Variants in SUDS3 observed in about 807,000 individuals in gnomAD.
SUDS3 encodes the protein sin3 histone deacetylase corepressor complex component SDS3.
Under a neutral mutation model 53.5 loss-of-function variants are expected in SUDS3, and 23 were observed. The ratio of observed to expected loss-of-function variants is 0.43; its 90% CI spans 0.31 to 0.61. SUDS3 has a LOEUF of 0.61. Ranked by LOEUF, SUDS3 falls within the 20% of genes least tolerant of loss-of-function variation. The pLI is 0.10. For missense variants in SUDS3, 291 were observed against 405.9 expected, an observed-to-expected ratio of 0.72 and a Z score of 2.43; for synonymous variants, 150 against 148.5, an observed-to-expected ratio of 1.01 and a Z score of -0.08.
Position 118,409,347 on chromosome 12 carries a change from A to G in SUDS3, c.804-1726A>G, listed in dbSNP as rs370999316. Among the ~76,000 whole-genome samples the G allele has an allele frequency of 9.2e-5, 14 of 152,106 alleles. No individual in the cohort carries two copies. In the South Asian group the frequency reaches 2.3e-3, roughly 25 times the overall value. On this transcript the variant is annotated intron_variant, in intron 10 of 11. Transcript: ENST00000543473. ...TTTTTAGTAGAGATGGGGTTTCACC[A>G]TGTTGGCCAGGCTGGTCTCGATCTC... is the stretch of plus-strand genomic sequence containing the variant.
intron 6 of SUDS3, 118 bp from the exon 7 acceptor site, chr12:118,400,541 A>T: frequency 1.1e-6 from 1 of 893,014 alleles, no homozygotes; most frequent in South Asian, 1.4e-5. Context: ...TAGAACAAAC[A>T]CCCCCAGTAA....
chr12:118,376,940 G>C (rs974809740), intron 1 of SUDS3, 107 bp downstream of exon 1: 3 of 1,305,220 alleles, frequency 2.3e-6, no homozygotes, highest in Non-Finnish European at 3.0e-6. Context: ...GCCTGGGGCT[G>C]CGTGGAGGGG....
At chr12:118,399,266 C>T (rs2046242991) in intron 6 of SUDS3, among the ~76,000 whole-genome samples, 2 of 152,072 alleles carry the variant, frequency 1.3e-5, no homozygotes, top group African/African-American at 4.8e-5. Context: ...CTTTGAGAGG[C>T]TGAGGAGGGC....
rs1014252595 is a variant in SUDS3, at chr12:118,383,865, G to A, written c.213-147G>A. The A allele has an allele frequency of 1.1e-5, 7 of 647,580 alleles. No homozygotes were observed. In the Admixed American group the frequency reaches 1.5e-4, roughly 14 times the overall value. 40.1% of individuals were successfully genotyped at this position (647,580 alleles called of 1,614,324 possible). ...CCCTGTGGCTGCTGGTGCATTTTAA[G>A]CCAGCAAGCAGACTTTACTTTCCTC... On this transcript the variant is annotated intron_variant, in intron 2 of 11. Transcript: ENST00000543473.
At chr12:118,385,111 T>G (rs1286142858) in intron 3 of SUDS3, among the ~76,000 whole-genome samples, 9 of 151,102 alleles carry the variant, frequency 6.0e-5, no homozygotes, top group Non-Finnish European at 1.2e-4. Flanking sequence ...TTTTTGCTTT[T>G]CTTTTTTTTT....
intron 11 of SUDS3, among the ~76,000 whole-genome samples, chr12:118,412,076 C>T (rs1186794094): frequency 6.6e-6 from 1 of 152,086 alleles, no homozygotes; most frequent in African/African-American, 2.4e-5. Flanking sequence ...AGGGTTATGC[C>T]CTTGGTTTTT....
At chr12:118,385,401 G>T (rs1191585073) in intron 3 of SUDS3, among the ~76,000 whole-genome samples, 1 of 152,186 alleles carries the variant, frequency 6.6e-6, no homozygotes, top group East Asian at 1.9e-4. Context: ...GAGCCACCAT[G>T]CCCAGCCTGA....
chr12:118,380,103 G>A (rs2046042370), intron 1 of SUDS3, 59 bp from the exon 2 acceptor site: 16 of 1,394,610 alleles, frequency 1.1e-5, no homozygotes, highest in Non-Finnish European at 1.5e-5. Context: ...TCTGTGTCAG[G>A]TGACGCCAAC....
chr12:118,417,123 C>T lies in SUDS3; in HGVS notation c.*2690C>T, dbSNP rs2046407636. The T allele has an allele frequency of 6.6e-6, 1 of 152,088 alleles. No individual in the cohort carries two copies. Among genetic ancestry groups the T allele is most frequent in the Admixed American group, 6.6e-5 (1 of 15,254 alleles). The allele number at this position is 152,088 out of a possible 1,614,324, so 9.4% of individuals were successfully genotyped here. ...GAACCACGTCCTTTTGAATAATTTC[C>T]AGATGGATTTCTGTAGCCATACCAA... On this transcript the variant is annotated 3_prime_UTR_variant, in exon 12 of 12. Transcript: ENST00000543473.
intron 6 of SUDS3, 140 bp from the exon 7 acceptor site, chr12:118,400,519 T>G: frequency 1.4e-6 from 1 of 736,316 alleles, no homozygotes; most frequent in East Asian, 2.7e-5. Context: ...GGTGTCTGGC[T>G]ACGACCATGT....
At chr12:118,390,803 T>A (rs1376745615) in intron 5 of SUDS3, among the ~76,000 whole-genome samples, 1 of 152,238 alleles carries the variant, frequency 6.6e-6, no homozygotes, top group African/African-American at 2.4e-5. Flanking sequence ...ACAATTTATC[T>A]AGAATCTATT....
intron 3 of SUDS3, among the ~76,000 whole-genome samples, chr12:118,385,063 C>T (rs905911284): frequency 7.9e-5 from 12 of 151,670 alleles, no homozygotes; most frequent in East Asian, 1.9e-4. Flanking sequence ...GTGAGCTCTT[C>T]GGTTTCATAT....
At chr12:118,395,462 G>A (rs758408564) in intron 6 of SUDS3, among the ~76,000 whole-genome samples, 15 of 151,496 alleles carry the variant, frequency 9.9e-5, no homozygotes, top group Admixed American at 2.6e-4. Flanking sequence ...TCCTGACCTC[G>A]TGATCTGCCC....
rs138850888 is a variant in SUDS3, at chr12:118,388,199, G to A, written c.341-1728G>A. Among the ~76,000 whole-genome samples the A allele has an allele frequency of 7.9e-4, 121 of 152,260 alleles. 2 individuals are homozygous for A. Among genetic ancestry groups the A allele is most frequent in the African/African-American group, 2.8e-3 (118 of 41,530 alleles). Reference sequence around the variant, plus strand: ...GTGCCAAAGTGGGTAGGACTTCTGGGGGCTAAAAAATAATGAGTGGCTTGT... The same window carrying A: ...GTGCCAAAGTGGGTAGGACTTCTGGAGGCTAAAAAATAATGAGTGGCTTGT... On this transcript the variant is annotated intron_variant, in intron 4 of 11. Transcript: ENST00000543473.
At chr12:118,400,833 C>A (rs7309484) in intron 7 of SUDS3, 79 bp downstream of exon 7, 2 of 1,321,754 alleles carry the variant, frequency 1.5e-6, no homozygotes, top group Non-Finnish European at 2.2e-6. Flanking sequence ...TGCTAGGGTA[C>A]ACATGGCCGT....
At chr12:118,401,621 TAAG>T (rs1181751310) in intron 7 of SUDS3, 135 bp from the exon 8 acceptor site, 1 of 730,546 alleles carries the variant, frequency 1.4e-6, no homozygotes, top group Non-Finnish European at 2.3e-6. Flanking sequence ...CATAAATTTC[TAAG>T]AAGCAAACTG....
Position 118,417,330 on chromosome 12 carries a change from A to G in SUDS3, c.*2897A>G, listed in dbSNP as rs2046409998. ...GTGTTCAGGACTGGGTGACTTTTCT[A>G]AGAAATATGGGGTTTAGAATGGGGT... On this transcript the variant is annotated 3_prime_UTR_variant, in exon 12 of 12. Coordinates refer to ENST00000543473, the MANE Select transcript of SUDS3 (RefSeq NM_022491.3). The G allele has an allele frequency of 6.6e-6, 1 of 152,196 alleles. No homozygotes were observed. The highest frequency in any genetic ancestry group is 6.5e-5 in the Admixed American group (1 of 15,276). The allele number at this position is 152,196 out of a possible 1,614,324, so 9.4% of individuals were successfully genotyped here. A position where few individuals can be genotyped will look rare whatever the true frequency, so the allele number is the denominator to read the frequency against.
At chr12:118,409,114 A>G (rs2046334727) in intron 10 of SUDS3, among the ~76,000 whole-genome samples, 1 of 152,096 alleles carries the variant, frequency 6.6e-6, no homozygotes, top group Admixed American at 6.6e-5. Flanking sequence ...ACTTGCATTT[A>G]AACCATTCTC....
At position 118,411,087 on chromosome 12, in the gene SUDS3, A is replaced by G. The variant is rs2046355497; in HGVS notation, c.818A>G (p.Gln273Arg). 7 of 1,605,992 alleles carry G rather than the reference A, an allele frequency of 4.4e-6. No individual in the cohort carries two copies. The highest frequency in any genetic ancestry group is 6.0e-6 in the Non-Finnish European group (7 of 1,176,284). Residue 273 changes from glutamine (Q) to arginine (R), a missense_variant, in exon 11 of 12, where the codon CAG becomes CGG. Coordinates refer to ENST00000543473, the MANE Select transcript of SUDS3 (RefSeq NM_022491.3). ...GTTTTTGTCAGGTACCACAAGAGCC[A>G]GGCCATCTATCTGGAGTCAAAGGAC... ...YYDKRWYHKS[Q>R]AIYLESKDNQ... is the part of the protein sequence containing the mutation.
Sources: allele counts gnomAD v4.1 joint callset (sites outside exome capture counted in the v4.1 genomes callset), GRCh38; gene constraint gnomAD v4.1.1; transcripts MANE v1.5; gene names NCBI Gene and HGNC (gene_info 2026-07-23, HGNC 2026-07-21).